SEPTIN9: variants seen among roughly 807,000 people sequenced by gnomAD.
The protein encoded by SEPTIN9 is septin 9, also known as septin-9.
A neutral mutation model predicts 56.6 loss-of-function variants in SEPTIN9; 13 were observed. The observed-to-expected ratio is 0.23, with a 90% confidence interval of 0.15 to 0.37. The LOEUF is 0.37. Ranked by LOEUF, SEPTIN9 falls within the 10% of genes least tolerant of loss-of-function variation. SEPTIN9 has a pLI of 1.00. For synonymous variants in SEPTIN9, 332 were observed against 334.1 expected, an observed-to-expected ratio of 0.99 and a Z score of 0.07; for missense variants, 650 against 823.1, an observed-to-expected ratio of 0.79 and a Z score of 2.57.
Position 77,367,376 on chromosome 17 carries a change from C to T in SEPTIN9, c.77-34683C>T, listed in dbSNP as rs949029491. ...CCCCTCTGCCCCTTTGGGCTCATGC[C>T]CCATCAGGAGTCTCCCGACTCTGCC... On this transcript the variant is annotated intron_variant, in intron 2 of 11. Coordinates refer to ENST00000427177, the MANE Select transcript of SEPTIN9 (RefSeq NM_001113491.2). This position sits in a 1 kb window ranked among gnomAD's most constrained non-coding sequence, Gnocchi z 4.5. Among the ~76,000 whole-genome samples, 1 of 152,162 alleles carries T rather than the reference C, an allele frequency of 6.6e-6. No homozygotes were observed. The highest frequency in any genetic ancestry group is 2.4e-5 in the African/African-American group (1 of 41,422).
intron 5 of SEPTIN9, among the ~76,000 whole-genome samples, chr17:77,488,034 T>C (rs2039869209): frequency 6.6e-6 from 1 of 152,220 alleles, no homozygotes; most frequent in African/African-American, 2.4e-5. Context: ...AACTGAGTTT[T>C]CCACCAAAAG....
At chr17:77,366,608 G>T (rs2034577740) in intron 2 of SEPTIN9, among the ~76,000 whole-genome samples, 1 of 152,224 alleles carries the variant, frequency 6.6e-6, no homozygotes. Flanking sequence ...TGTCCTGTGT[G>T]TGTGCAGCCC....
rs938804322 is a variant in SEPTIN9 at position 77,425,753 on chromosome 17, C to T, written c.721+23050C>T. On this transcript the variant is annotated intron_variant, in intron 3 of 11. Transcript: ENST00000427177. The surrounding 1 kb of genome is among the most constrained non-coding windows in gnomAD (Gnocchi z 4.2). ...GAAGCTGCCCCCCGCTCATCTACCC[C>T]CCAACCCTCCCAGCCAGCAGAGTTT... Among the ~76,000 whole-genome samples the T allele has an allele frequency of 2.6e-5, 4 of 151,586 alleles. No individual in the cohort carries two copies. The highest frequency in any genetic ancestry group is 9.7e-5 in the African/African-American group (4 of 41,122).
chr17:77,315,752 G>C (rs761873343), intron 2 of SEPTIN9, among the ~76,000 whole-genome samples: 2 of 152,258 alleles, frequency 1.3e-5, no homozygotes, highest in East Asian at 3.8e-4. Flanking sequence ...GCCAGGCCCA[G>C]CCTGTGCCGC....
At chr17:77,426,279 C>G (rs1319801891) in intron 3 of SEPTIN9, among the ~76,000 whole-genome samples, 1 of 152,058 alleles carries the variant, frequency 6.6e-6, no homozygotes, top group Non-Finnish European at 1.5e-5. Context: ...GCCAGCGAGT[C>G]CCCTGCACAG....
intron 3 of SEPTIN9, among the ~76,000 whole-genome samples, chr17:77,441,376 C>T (rs2144342548): frequency 6.6e-6 from 1 of 152,352 alleles, no homozygotes; most frequent in Middle Eastern, 3.4e-3. Context: ...AAAAACAAGG[C>T]CCTCTCTGGG....
Position 77,475,414 on chromosome 17 carries a change from A to G in SEPTIN9, c.722-6730A>G. 2 of 1,469,872 alleles carry G rather than the reference A, an allele frequency of 1.4e-6. No individual in the cohort carries two copies. Among genetic ancestry groups the G allele is most frequent in the South Asian group, 1.4e-5 (1 of 70,190 alleles). The allele number at this position is 1,469,872 out of a possible 1,614,324, so 91.1% of individuals were successfully genotyped here. A position where few individuals can be genotyped will look rare whatever the true frequency, so the allele number is the denominator to read the frequency against. ...GAGGAGGGAGCAGCCCTGGCCGGAC[A>G]CTGTCCTCCTAGCATTGCCTGCATC... On this transcript the variant is annotated intron_variant, in intron 3 of 11. Coordinates refer to ENST00000427177, the MANE Select transcript of SEPTIN9 (RefSeq NM_001113491.2). The surrounding 1 kb of genome is among the most constrained non-coding windows in gnomAD (Gnocchi z 4.6).
chr17:77,391,285 T>C (rs982127605), intron 2 of SEPTIN9, among the ~76,000 whole-genome samples: 3 of 152,204 alleles, frequency 2.0e-5, no homozygotes, highest in Admixed American at 6.5e-5. Flanking sequence ...TTCTGTGTTC[T>C]GTTCCTGGGG....
In SEPTIN9 at chr17:77,489,054, CA is replaced by C. The variant is rs3214721; in HGVS notation, c.1262+192del. On this transcript the variant is annotated intron_variant, in intron 7 of 11. Transcript: ENST00000427177. ...CCAAAGCCTCACACTGACCCCTATG[CA>C]AGTGTCCTGCCCAGCCCCCATCCTT... is the stretch of plus-strand genomic sequence containing the variant. Among the ~76,000 whole-genome samples, 83,140 of 152,014 alleles carry C rather than the reference CA, an allele frequency of 0.55. 23,874 individuals carry two copies. Among genetic ancestry groups the C allele is most frequent in the African/African-American group, 0.74 (30,478 of 41,454 alleles).
chr17:77,416,834 A>G (rs2036525093), intron 3 of SEPTIN9, among the ~76,000 whole-genome samples: 1 of 152,190 alleles, frequency 6.6e-6, no homozygotes, highest in Non-Finnish European at 1.5e-5. Flanking sequence ...CCCTTAGACC[A>G]GGATAAGATG....
At chr17:77,302,428 C>A (rs2032090565) in intron 1 of SEPTIN9, among the ~76,000 whole-genome samples, 1 of 152,140 alleles carries the variant, frequency 6.6e-6, no homozygotes, top group African/African-American at 2.4e-5. Context: ...GTCTGTAATC[C>A]CAGCACTTTG....
rs565976801 is a variant in SEPTIN9 at position 77,475,202 on chromosome 17, G to A, written c.722-6942G>A. On this transcript the variant is annotated intron_variant, in intron 3 of 11. Coordinates refer to ENST00000427177, the MANE Select transcript of SEPTIN9 (RefSeq NM_001113491.2). This position sits in a 1 kb window ranked among gnomAD's most constrained non-coding sequence, Gnocchi z 4.6. ...GTGTCTGGCTTCACAAACCCTGTGT[G>A]GGGGGGTTGTGGTGAGAGGAAACCG... 2 of 1,219,306 alleles carry A rather than the reference G, an allele frequency of 1.6e-6. No individual in the cohort carries two copies. The highest frequency in any genetic ancestry group is 1.0e-6 in the Non-Finnish European group (1 of 972,142). The allele number at this position is 1,219,306 out of a possible 1,614,324, so 75.5% of individuals were successfully genotyped here. A position where few individuals can be genotyped will look rare whatever the true frequency, so the allele number is the denominator to read the frequency against.
chr17:77,349,360 G>A (rs2033986760), intron 2 of SEPTIN9, among the ~76,000 whole-genome samples: 1 of 152,176 alleles, frequency 6.6e-6, no homozygotes. Flanking sequence ...CAAGTGATCT[G>A]CCTGCTTTGG....
rs1417201020 is a variant in SEPTIN9 at position 77,307,066 on chromosome 17, C to G, written c.20-75C>G. On this transcript the variant is annotated intron_variant, in intron 1 of 11. Transcript: ENST00000427177. ...AGCAGGAGCAAAGGCGAGGACATTC[C>G]TGGTGTTAATCATCCACCCGGAGGG... is the stretch of plus-strand genomic sequence containing the variant. 6 of 1,368,258 alleles carry G rather than the reference C, an allele frequency of 4.4e-6. No individual in the cohort carries two copies. The East Asian group carries it at 1.4e-4, about 31-fold the overall frequency. 84.8% of individuals were successfully genotyped at this position (1,368,258 alleles called of 1,614,324 possible).
chr17:77,497,437 G>A, intron 11 of SEPTIN9, 71 bp downstream of exon 11: 1 of 1,444,410 alleles, frequency 6.9e-7, no homozygotes, highest in Non-Finnish European at 9.6e-7. Context: ...GGTGGGGGCA[G>A]TGGGTGTGGG....
chr17:77,465,575 G>A (rs1182379155), intron 3 of SEPTIN9, among the ~76,000 whole-genome samples: 1 of 144,944 alleles, frequency 6.9e-6, no homozygotes, highest in Non-Finnish European at 1.5e-5. Flanking sequence ...TCCAGGCCTC[G>A]CTCCATGAAC....
chr17:77,443,434 T>G (rs2037622418), intron 3 of SEPTIN9, among the ~76,000 whole-genome samples: 1 of 152,144 alleles, frequency 6.6e-6, no homozygotes, highest in Admixed American at 6.5e-5. Context: ...AAGTCACATT[T>G]TAAGTTATTA....
At chr17:77,357,129 G>A (rs1197481890) in intron 2 of SEPTIN9, among the ~76,000 whole-genome samples, 1 of 152,102 alleles carries the variant, frequency 6.6e-6, no homozygotes, top group Non-Finnish European at 1.5e-5. Flanking sequence ...GGGCACAAAG[G>A]GCAGGATGGA....
In SEPTIN9 at chr17:77,445,452, G is replaced by A. The variant is rs1334039748; in HGVS notation, c.722-36692G>A. 1 of 469,698 alleles carries A rather than the reference G, an allele frequency of 2.1e-6. No homozygotes were observed. The highest frequency in any genetic ancestry group is 4.4e-6 in the Non-Finnish European group (1 of 226,414). The allele number at this position is 469,698 out of a possible 1,614,324, so 29.1% of individuals were successfully genotyped here. On this transcript the variant is annotated intron_variant, in intron 3 of 11. Coordinates refer to ENST00000427177, the MANE Select transcript of SEPTIN9 (RefSeq NM_001113491.2). The surrounding 1 kb of genome is among the most constrained non-coding windows in gnomAD (Gnocchi z 4.7). ...AGCTCTGTGCTCACAACCTGGCTTGGTGGTGGCCGAGGAGCTTGGCAGGAG... is the reference window on the plus strand; with the variant it reads ...AGCTCTGTGCTCACAACCTGGCTTGATGGTGGCCGAGGAGCTTGGCAGGAG...
Sources: gnomAD v4.1 joint callset for allele counts (sites outside exome capture counted in the v4.1 genomes callset) on GRCh38, gnomAD v4.1.1 for gene constraint, Gnocchi (gnomAD v3.1) non-coding constraint, MANE v1.5 for transcripts, NCBI Gene and HGNC (gene_info 2026-07-23, HGNC 2026-07-21) for gene names.